NEMP1: variants seen among roughly 807,000 people sequenced by gnomAD.
The protein encoded by NEMP1 is nuclear envelope integral membrane protein 1, also known as transmembrane protein 194.
A neutral mutation model predicts 53.7 loss-of-function variants in NEMP1; 29 were observed. The observed-to-expected ratio is 0.54, with a 90% CI of 0.40 to 0.74. NEMP1 has a LOEUF of 0.74. NEMP1 is among the 30% of genes least tolerant of loss of function. The pLI is 0.00. For missense variants in NEMP1, 477 were observed against 528.6 expected, an observed-to-expected ratio of 0.90 and a Z score of 0.96; for synonymous variants, 193 against 192.9, an observed-to-expected ratio of 1.00 and a Z score of 0.00.
In NEMP1 at chr12:57,057,911, G is replaced by A. The variant is rs998924850; in HGVS notation, c.*1968C>T. 1.3e-5 allele frequency: 2 copies of A among 152,082 alleles called. No individual in the cohort carries two copies. The highest frequency in any genetic ancestry group is 4.8e-5 in the African/African-American group (2 of 41,414). 9.4% of individuals were successfully genotyped at this position (152,082 alleles called of 1,614,324 possible). On this transcript the variant is annotated 3_prime_UTR_variant, in exon 9 of 9. Coordinates refer to ENST00000300128, the MANE Select transcript of NEMP1 (RefSeq NM_001130963.2). ...AATCCTGAGACCACTTGCACGAGTT[G>A]AATTATTTTTTAAAATAAACTTATG...
Position 57,059,967 on chromosome 12 carries a change from TGG to T in NEMP1, c.1245_1246del (p.Gln416GlyfsTer2). On this transcript the variant is annotated frameshift_variant, in exon 9 of 9. Coordinates refer to ENST00000300128, the MANE Select transcript of NEMP1 (RefSeq NM_001130963.2). LOFTEE classifies it low-confidence loss of function (END_TRUNC). ...GGATGCTTCCTCATAGATTTCATCC[TGG>T]GCAATAATGCTCCCTAATCCATACT... 1 of 1,613,840 alleles carries T rather than the reference TGG, an allele frequency of 6.2e-7. No individual in the cohort carries two copies. The highest frequency in any genetic ancestry group is 8.5e-7 in the Non-Finnish European group (1 of 1,179,950).
At chr12:57,067,196 T>C (rs1009469717) in intron 4 of NEMP1, among the ~76,000 whole-genome samples, 1 of 151,730 alleles carries the variant, frequency 6.6e-6, no homozygotes, top group Non-Finnish European at 1.5e-5. Flanking sequence ...TGGTGGCAGG[T>C]GCCTGTAGTC....
chr12:57,086,126 G>C (rs1174109490), intron 1 of NEMP1, among the ~76,000 whole-genome samples: 1 of 152,144 alleles, frequency 6.6e-6, no homozygotes, highest in Non-Finnish European at 1.5e-5. Context: ...TGAGTGAGTC[G>C]GATCTGGCCC....
chr12:57,060,540 G>A (rs2031748314), intron 8 of NEMP1, among the ~76,000 whole-genome samples: 1 of 152,114 alleles, frequency 6.6e-6, no homozygotes, highest in Non-Finnish European at 1.5e-5. Context: ...AACTTAATAT[G>A]GTACTGGAGT....
chr12:57,061,348 ATACT>A (rs111309667), intron 7 of NEMP1, among the ~76,000 whole-genome samples: 7 of 152,364 alleles, frequency 4.6e-5, no homozygotes, highest in African/African-American at 9.6e-5. Context: ...AAATGATAAA[ATACT>A]TACTTATTTT....
At chr12:57,074,525 G>T (rs2032510887) in intron 1 of NEMP1, among the ~76,000 whole-genome samples, 1 of 149,736 alleles carries the variant, frequency 6.7e-6, no homozygotes, top group Middle Eastern at 3.6e-3. Flanking sequence ...GACTGATCTA[G>T]AACTCCTGGC....
chr12:57,072,965 A>C (rs984940349), intron 1 of NEMP1, 53 bp from the exon 2 acceptor site: 1 of 1,492,698 alleles, frequency 6.7e-7, no homozygotes, highest in Non-Finnish European at 9.0e-7. Context: ...AATAACTATA[A>C]CTCATTTCAT....
At chr12:57,083,632 G>T (rs116009379), upstream of NEMP1, among the ~76,000 whole-genome samples, 40 of 152,336 alleles carry the variant, frequency 2.6e-4, no homozygotes, top group African/African-American at 9.4e-4. Flanking sequence ...TTTCTGGAAT[G>T]ACACATATGA....
rs764620489 is a variant in NEMP1, at chr12:57,059,874, A to G, written c.*5T>C. 3.1e-6 allele frequency: 5 copies of G among 1,612,174 alleles called. No homozygotes were observed. The highest frequency in any genetic ancestry group is 1.3e-5 in the African/African-American group (1 of 74,862). Reference sequence around the variant, plus strand: ...CCAGTCCACGTAAAGATAACTGACCACTACCTAGGTTAGAAAGTTGTTCTG... The same window carrying G: ...CCAGTCCACGTAAAGATAACTGACCGCTACCTAGGTTAGAAAGTTGTTCTG... On this transcript the variant is annotated 3_prime_UTR_variant, in exon 9 of 9. Coordinates refer to ENST00000300128, the MANE Select transcript of NEMP1 (RefSeq NM_001130963.2).
chr12:57,079,767 A>AT (rs200090921), upstream of NEMP1, among the ~76,000 whole-genome samples: 13,701 of 149,450 alleles, frequency 0.092, 650 homozygotes, highest in East Asian at 0.19. Flanking sequence ...CAAAACAAGA[A>AT]TTTTTTTTTT....
In NEMP1 at chr12:57,064,127, T is replaced by G. The variant is rs746946171; in HGVS notation, c.698A>C (p.Gln233Pro). Residue 233 changes from glutamine to proline, a missense_variant, in exon 6 of 9, where the codon CAA becomes CCA. Transcript: ENST00000300128. ...CTCTTGTAAATTTTTAAAAACTAGTTGAATGAGGTACAGAGAAAAAGACCA... is the reference window on the plus strand; with the variant it reads ...CTCTTGTAAATTTTTAAAAACTAGTGGAATGAGGTACAGAGAAAAAGACCA... The part of the protein sequence containing the change: ...GGWSFSLYLI[Q>P]LVFKNLQEIW... The G allele has an allele frequency of 4.3e-6, 7 of 1,610,910 alleles. No individual in the cohort carries two copies. Among genetic ancestry groups the G allele is most frequent in the Non-Finnish European group, 1.7e-6 (2 of 1,179,034 alleles).
Position 57,057,869 on chromosome 12 carries a change from C to G in NEMP1, c.*2010G>C, listed in dbSNP as rs1191672362. The G allele has an allele frequency of 1.3e-5, 2 of 152,136 alleles. No homozygotes were observed. Among genetic ancestry groups the G allele is most frequent in the African/African-American group, 4.8e-5 (2 of 41,420 alleles). The allele number at this position is 152,136 out of a possible 1,614,324, so 9.4% of individuals were successfully genotyped here. A position where few individuals can be genotyped will look rare whatever the true frequency, so the allele number is the denominator to read the frequency against. The stretch of plus-strand genomic sequence containing the variant: ...CTATCACCTCCCTAAGTAGGGGAGG[C>G]ACCAAAATCTCCAGAGAATCCTGAG... On this transcript the variant is annotated 3_prime_UTR_variant, in exon 9 of 9. Coordinates refer to ENST00000300128, the MANE Select transcript of NEMP1 (RefSeq NM_001130963.2).
upstream of NEMP1, among the ~76,000 whole-genome samples, chr12:57,081,203 C>T (rs997998102): frequency 2.0e-5 from 3 of 152,162 alleles, no homozygotes; most frequent in African/African-American, 7.2e-5. Context: ...GACCAGTACT[C>T]CTCAAAGCTG....
At chr12:57,078,043 T>C (rs2032715839) in intron 1 of NEMP1, among the ~76,000 whole-genome samples, 1 of 152,182 alleles carries the variant, frequency 6.6e-6, no homozygotes, top group Admixed American at 6.5e-5. Flanking sequence ...ATCGCACCAC[T>C]GCACTCCAGC....
chr12:57,076,102 A>G (rs1448174594), intron 1 of NEMP1, among the ~76,000 whole-genome samples: 1 of 152,126 alleles, frequency 6.6e-6, no homozygotes, highest in African/African-American at 2.4e-5. Context: ...AAATAAATAA[A>G]TAAATAAATA....
intron 4 of NEMP1, among the ~76,000 whole-genome samples, chr12:57,065,457 A>G (rs2032023797): frequency 6.6e-6 from 1 of 151,964 alleles, no homozygotes; most frequent in Non-Finnish European, 1.5e-5. Flanking sequence ...GCCACTTTCA[A>G]CAATGATGTT....
At chr12:57,086,073 G>T (rs2032981599) in intron 1 of NEMP1, among the ~76,000 whole-genome samples, 1 of 152,224 alleles carries the variant, frequency 6.6e-6, no homozygotes, top group Non-Finnish European at 1.5e-5. Flanking sequence ...CTGCCTGGAG[G>T]AGTGGAAGGG....
At chr12:57,073,946 G>A (rs1249764829) in intron 1 of NEMP1, among the ~76,000 whole-genome samples, 1 of 151,956 alleles carries the variant, frequency 6.6e-6, no homozygotes, top group African/African-American at 2.4e-5. Flanking sequence ...GAGTAGAACA[G>A]AATTGGCAGG....
chr12:57,064,862 T>C, intron 4 of NEMP1, 123 bp from the exon 5 acceptor site: 1 of 628,614 alleles, frequency 1.6e-6, no homozygotes, highest in Non-Finnish European at 2.6e-6. Context: ...AGTACAAGCA[T>C]CAGAGACATT....
Sources: allele counts gnomAD v4.1 joint callset (sites outside exome capture counted in the v4.1 genomes callset), GRCh38; gene constraint gnomAD v4.1.1; transcripts MANE v1.5; gene names NCBI Gene and HGNC (gene_info 2026-07-23, HGNC 2026-07-21).